FBXO34: variants seen among roughly 807,000 people sequenced by gnomAD.
FBXO34 encodes F-box protein 34, also known as F-box only protein 34.
A neutral mutation model predicts 24.5 loss-of-function variants in FBXO34; 12 were observed. The observed-to-expected ratio is 0.49, with a 90% confidence interval of 0.31 to 0.79. The LOEUF (loss-of-function observed/expected upper bound fraction) is 0.79, where lower values mean the gene tolerates loss of function less well. FBXO34 is among the 30% of genes least tolerant of loss of function. The probability of loss-of-function intolerance (pLI) is 0.04; values close to 1 mark genes in which losing one functional copy is unlikely to be tolerated. For synonymous variants in FBXO34, 320 were observed against 311.9 expected, an observed-to-expected ratio of 1.03 and a Z score of -0.27; for missense variants, 823 against 857.7, an observed-to-expected ratio of 0.96 and a Z score of 0.51.
chr14:55,375,624 G>A, the FBXO34 span, among the ~76,000 whole-genome samples: 3 of 151,288 alleles, frequency 2.0e-5, 1 homozygote, highest in South Asian at 6.2e-4. Context: ...CATTATAGGC[G>A]TGAGCCACCA....
intron 1 of FBXO34, among the ~76,000 whole-genome samples, chr14:55,280,703 T>G (rs1004197125): frequency 6.6e-6 from 1 of 151,974 alleles, no homozygotes; most frequent in African/African-American, 2.4e-5. Context: ...ATTTTTTGTA[T>G]TTTTAGTAGA....
chr14:55,353,157 G>T lies in FBXO34; in HGVS notation c.*631G>T. ...AACCTGAGCGCCTTTACCTTTAGATGAGTGCTTTGGCCCCTCTGTGAATAG... is the reference window on the plus strand; with the variant it reads ...AACCTGAGCGCCTTTACCTTTAGATTAGTGCTTTGGCCCCTCTGTGAATAG... On this transcript the variant is annotated 3_prime_UTR_variant, in exon 2 of 2. Coordinates refer to ENST00000313833, the MANE Select transcript of FBXO34 (RefSeq NM_017943.4). 6.0e-6 allele frequency: 1 copy of T among 167,264 alleles called. No homozygotes were observed. The highest frequency in any genetic ancestry group is 1.5e-5 in the Non-Finnish European group (1 of 68,228). 10.4% of individuals were successfully genotyped at this position (167,264 alleles called of 1,614,324 possible).
chr14:55,342,203 A>G (rs1037910246), intron 1 of FBXO34, among the ~76,000 whole-genome samples: 1 of 152,192 alleles, frequency 6.6e-6, no homozygotes, highest in Non-Finnish European at 1.5e-5. Flanking sequence ...AATATTATAG[A>G]TAACTTTGAA....
At chr14:55,301,913 T>C (rs925467312) in intron 1 of FBXO34, among the ~76,000 whole-genome samples, 1 of 152,232 alleles carries the variant, frequency 6.6e-6, no homozygotes. Flanking sequence ...TTCTGGTGTC[T>C]GTCTGGCAGA....
intron 1 of FBXO34, among the ~76,000 whole-genome samples, chr14:55,333,681 C>CT (rs575148126): frequency 6.7e-6 from 1 of 148,332 alleles, no homozygotes; most frequent in Non-Finnish European, 1.5e-5. Context: ...GTGTAGGAGT[C>CT]TTTTTTATCA....
At chr14:55,380,735 C>G in the FBXO34 span, 4 of 1,291,110 alleles carry the variant, frequency 3.1e-6, no homozygotes, top group Non-Finnish European at 4.4e-6. Flanking sequence ...TTAATTCCAA[C>G]AAAACTACTA....
chr14:55,372,403 C>T (rs1269067742), downstream of FBXO34, among the ~76,000 whole-genome samples: 2 of 152,060 alleles, frequency 1.3e-5, no homozygotes, highest in East Asian at 3.9e-4. Flanking sequence ...TTTACTAAAC[C>T]AAAGATGCTC....
At chr14:55,391,736 G>A in the FBXO34 span, among the ~76,000 whole-genome samples, 1 of 152,286 alleles carries the variant, frequency 6.6e-6, no homozygotes, top group Non-Finnish European at 1.5e-5. Context: ...CGCAGATACA[G>A]AACTCAAGCA....
chr14:55,340,611 G>T (rs562400180), intron 1 of FBXO34, among the ~76,000 whole-genome samples: 1 of 152,178 alleles, frequency 6.6e-6, no homozygotes, highest in Admixed American at 6.5e-5. Flanking sequence ...TTAAAATTCA[G>T]TTACGTATAA....
chr14:55,382,094 G>A, the FBXO34 span: 4 of 1,614,070 alleles, frequency 2.5e-6, no homozygotes, highest in Non-Finnish European at 2.5e-6. Context: ...CAGACCCATC[G>A]TCCTGAGAGG....
At chr14:55,311,993 C>T (rs901055323) in intron 1 of FBXO34, among the ~76,000 whole-genome samples, 5 of 152,034 alleles carry the variant, frequency 3.3e-5, no homozygotes, top group African/African-American at 1.2e-4. Context: ...CGAGGTAAGG[C>T]GTTCGAGACC....
chr14:55,410,994 A>G, the FBXO34 span, among the ~76,000 whole-genome samples: 1 of 152,224 alleles, frequency 6.6e-6, no homozygotes, highest in Non-Finnish European at 1.5e-5. Flanking sequence ...TGCAGCTCCC[A>G]ATCTGAATTT....
At chr14:55,313,515 CTG>C (rs1184176828) in intron 1 of FBXO34, among the ~76,000 whole-genome samples, 1 of 152,148 alleles carries the variant, frequency 6.6e-6, no homozygotes, top group South Asian at 2.1e-4. Context: ...TATCAATTTA[CTG>C]TATTAGTCTG....
At chr14:55,409,556 G>C in the FBXO34 span, among the ~76,000 whole-genome samples, 5 of 139,618 alleles carry the variant, frequency 3.6e-5, no homozygotes, top group East Asian at 8.1e-4. Flanking sequence ...GTATGAGCAG[G>C]CACCTAAAAA....
At chr14:55,393,348 G>GC in the FBXO34 span, among the ~76,000 whole-genome samples, 1 of 151,764 alleles carries the variant, frequency 6.6e-6, no homozygotes, top group African/African-American at 2.4e-5. Context: ...TCGCGCCACT[G>GC]CACTCCAGCC....
intron 1 of FBXO34, among the ~76,000 whole-genome samples, chr14:55,337,999 C>T (rs1041350898): frequency 1.3e-5 from 2 of 150,682 alleles, no homozygotes; most frequent in Non-Finnish European, 2.9e-5. Context: ...TCTTAACTTG[C>T]CTCTGATTCA....
chr14:55,320,242 G>T (rs1221238540), intron 1 of FBXO34, among the ~76,000 whole-genome samples: 2 of 152,124 alleles, frequency 1.3e-5, no homozygotes, highest in African/African-American at 2.4e-5. Context: ...GGAGAATTAT[G>T]ATAGGTTTAT....
chr14:55,353,300 C>A lies in FBXO34; in HGVS notation c.*774C>A, dbSNP rs1884456763. On this transcript the variant is annotated 3_prime_UTR_variant, in exon 2 of 2. Coordinates refer to ENST00000313833, the MANE Select transcript of FBXO34 (RefSeq NM_017943.4). ...TGTTTTTTTTTTTTAATTGTCTAGT[C>A]TTAAATTTGTACATCTTGTATAAAA... The A allele has an allele frequency of 6.0e-6, 1 of 165,854 alleles. No individual in the cohort carries two copies. The highest frequency in any genetic ancestry group is 2.1e-4 in the South Asian group (1 of 4,810). 10.3% of individuals were successfully genotyped at this position (165,854 alleles called of 1,614,324 possible).
chr14:55,347,837 C>T (rs1293564195), intron 1 of FBXO34, among the ~76,000 whole-genome samples: 6 of 152,242 alleles, frequency 3.9e-5, no homozygotes, highest in African/African-American at 9.6e-5. Context: ...TGCACAATGG[C>T]GCACATATTG....
Sources: gnomAD v4.1 joint callset for allele counts (sites outside exome capture counted in the v4.1 genomes callset) on GRCh38, gnomAD v4.1.1 for gene constraint, MANE v1.5 for transcripts, NCBI Gene and HGNC (gene_info 2026-07-23, HGNC 2026-07-21) for gene names.